The following FAM135A variants were observed in gnomAD, a reference collection of about 807,000 sequenced individuals.
FAM135A encodes family with sequence similarity 135 member A, also known as protein FAM135A.
FAM135A carries 79 observed loss-of-function variants against 146.8 expected under a neutral mutation model. That is an observed-to-expected ratio of 0.54 (90% CI 0.45 to 0.65). The LOEUF (loss-of-function observed/expected upper bound fraction) is 0.65. Among genes scored for constraint, FAM135A ranks in the 30% least tolerant of loss-of-function variants. The pLI, the probability that FAM135A is intolerant of heterozygous loss-of-function variation, is 0.00. For missense variants in FAM135A, 1,623 were observed against 1,758.2 expected, an observed-to-expected ratio of 0.92 and a Z score of 1.38; for synonymous variants, 562 against 603.6, an observed-to-expected ratio of 0.93 and a Z score of 1.01.
chr6:70,521,086 A>G (rs550639284), intron 12 of FAM135A, among the ~76,000 whole-genome samples: 24 of 152,196 alleles, frequency 1.6e-4, no homozygotes, highest in Non-Finnish European at 8.8e-5. Context: ...ATCATCCTAG[A>G]GGTTTTTTTT....
chr6:70,420,178 T>C (rs541870636), intron 2 of FAM135A, among the ~76,000 whole-genome samples: 1 of 152,334 alleles, frequency 6.6e-6, no homozygotes, highest in East Asian at 1.9e-4. Flanking sequence ...AATCTCCAAT[T>C]TGTTCAACTT....
intron 5 of FAM135A, among the ~76,000 whole-genome samples, chr6:70,453,509 C>T (rs1358223196): frequency 6.6e-6 from 1 of 152,070 alleles, no homozygotes; most frequent in African/African-American, 2.4e-5. Context: ...TTGTTTGCTG[C>T]ACCCATTAAT....
chr6:70,457,384 G>A (rs1388091108), intron 5 of FAM135A, among the ~76,000 whole-genome samples: 5 of 152,152 alleles, frequency 3.3e-5, no homozygotes, highest in African/African-American at 4.8e-5. Flanking sequence ...AAATCATTCC[G>A]CCTTTATTAG....
At chr6:70,440,385 T>C (rs1419878137) in intron 4 of FAM135A, among the ~76,000 whole-genome samples, 2 of 152,150 alleles carry the variant, frequency 1.3e-5, no homozygotes, top group African/African-American at 4.8e-5. Context: ...CACTAGAGGT[T>C]ATAAAATGGA....
At chr6:70,418,969 T>C (rs1356159200) in intron 2 of FAM135A, among the ~76,000 whole-genome samples, 1 of 152,236 alleles carries the variant, frequency 6.6e-6, no homozygotes, top group Non-Finnish European at 1.5e-5. Context: ...ATTGGAGTTC[T>C]GTGCTATAGG....
rs921747450 is a variant in FAM135A at position 70,414,311 on chromosome 6, G to A, written c.-220+609G>A. Among the ~76,000 whole-genome samples, 143 of 152,076 alleles carry A rather than the reference G, an allele frequency of 9.4e-4. 7 individuals carry two copies. Among genetic ancestry groups the A allele is most frequent in the Non-Finnish European group, 2.9e-5 (2 of 68,030 alleles). On this transcript the variant is annotated intron_variant, in intron 1 of 21. Coordinates refer to ENST00000418814, the MANE Select transcript of FAM135A (RefSeq NM_001162529.3). ...CCTGGTTCCCTTTTTGTTAGTTGCCGATTGTGTTTTGCTTTAGCATCGCTT... is the reference window on the plus strand; with the variant it reads ...CCTGGTTCCCTTTTTGTTAGTTGCCAATTGTGTTTTGCTTTAGCATCGCTT...
intron 12 of FAM135A, among the ~76,000 whole-genome samples, chr6:70,518,392 G>A (rs922716097): frequency 1.3e-5 from 2 of 152,212 alleles, no homozygotes; most frequent in African/African-American, 4.8e-5. Context: ...ACATAAAAGT[G>A]TGAGGTAAGG....
At chr6:70,417,002 G>T (rs1049699714) in intron 2 of FAM135A, among the ~76,000 whole-genome samples, 1 of 152,042 alleles carries the variant, frequency 6.6e-6, no homozygotes, top group Non-Finnish European at 1.5e-5. Context: ...AGAAATATTA[G>T]CTTCTTTTTT....
At chr6:70,538,171 C>A in intron 19 of FAM135A, 120 bp from the exon 20 acceptor site, 1 of 540,376 alleles carries the variant, frequency 1.9e-6, no homozygotes, top group Non-Finnish European at 2.9e-6. Context: ...GATTAGCCAA[C>A]AAAAATGCTA....
Position 70,477,071 on chromosome 6 carries a change from A to G in FAM135A, c.369-88A>G, listed in dbSNP as rs980254447. The G allele has an allele frequency of 9.1e-6, 12 of 1,319,366 alleles. No individual in the cohort carries two copies. In the East Asian group the frequency reaches 3.2e-4, roughly 35 times the overall value. The allele number at this position is 1,319,366 out of a possible 1,614,324, so 81.7% of individuals were successfully genotyped here. A position where few individuals can be genotyped will look rare whatever the true frequency, so the allele number is the denominator to read the frequency against. ...CGAAATTTTTAAAAAGTAATTAAGT[A>G]AATAGTTTTTATAGTTTCAACTACT... On this transcript the variant is annotated intron_variant, in intron 7 of 21. Transcript: ENST00000418814.
chr6:70,531,778 C>T (rs775035336), intron 16 of FAM135A, among the ~76,000 whole-genome samples: 1 of 152,044 alleles, frequency 6.6e-6, no homozygotes, highest in African/African-American at 2.4e-5. Flanking sequence ...TTTGTAAAGC[C>T]TCCGTTATTT....
intron 20 of FAM135A, among the ~76,000 whole-genome samples, chr6:70,547,241 C>T (rs1043271633): frequency 1.3e-5 from 2 of 152,082 alleles, no homozygotes; most frequent in African/African-American, 4.8e-5. Context: ...TTAGGTATCA[C>T]TTTTGATATG....
intron 4 of FAM135A, among the ~76,000 whole-genome samples, chr6:70,444,020 A>G (rs59275635): frequency 0.18 from 26,870 of 151,982 alleles, 2,465 homozygotes; most frequent in Middle Eastern, 0.22. Context: ...GCCCACCACA[A>G]CTCTTAAAAT....
chr6:70,431,403 G>A (rs751514206), intron 4 of FAM135A, among the ~76,000 whole-genome samples: 6 of 152,184 alleles, frequency 3.9e-5, no homozygotes, highest in Non-Finnish European at 4.4e-5. Context: ...CAGCTGGGCA[G>A]TCTCAGTTCT....
At chr6:70,529,023 G>GA (rs1795273172) in intron 16 of FAM135A, among the ~76,000 whole-genome samples, 1 of 151,644 alleles carries the variant, frequency 6.6e-6, no homozygotes, top group South Asian at 2.1e-4. Flanking sequence ...GAGCTCAGTG[G>GA]ATTTTTTTTT....
intron 12 of FAM135A, chr6:70,503,749 A>G (rs1197480263): frequency 6.6e-6 from 1 of 152,206 alleles, no homozygotes; most frequent in Non-Finnish European, 1.5e-5. Flanking sequence ...GAAATTGTAC[A>G]GTAGTATTCT....
chr6:70,532,796 G>C (rs1796072485), intron 16 of FAM135A, among the ~76,000 whole-genome samples: 1 of 152,174 alleles, frequency 6.6e-6, no homozygotes, highest in African/African-American at 2.4e-5. Context: ...GCTGGGCATG[G>C]TGGGATGCAC....
intron 4 of FAM135A, among the ~76,000 whole-genome samples, chr6:70,451,626 A>G (rs902519722): frequency 1.3e-5 from 2 of 152,290 alleles, no homozygotes; most frequent in East Asian, 3.9e-4. Flanking sequence ...TATCCTTTCC[A>G]AGATGACACC....
intron 20 of FAM135A, among the ~76,000 whole-genome samples, chr6:70,541,400 G>T (rs903060964): frequency 2.6e-5 from 4 of 151,858 alleles, no homozygotes; most frequent in Non-Finnish European, 4.4e-5. Context: ...GCTTTTATTT[G>T]AATATTAAGA....
Sources: gnomAD v4.1 joint callset for allele counts (sites outside exome capture counted in the v4.1 genomes callset) on GRCh38, gnomAD v4.1.1 for gene constraint, MANE v1.5 for transcripts, NCBI Gene and HGNC (gene_info 2026-07-23, HGNC 2026-07-21) for gene names.